CKAP5: variants seen among roughly 807,000 people sequenced by gnomAD.
CKAP5 encodes cytoskeleton-associated protein 5.
A neutral mutation model predicts 232.8 loss-of-function variants in CKAP5; 27 were observed. The observed-to-expected ratio is 0.12, with a 90% CI of 0.09 to 0.16. The LOEUF is 0.16. Among genes scored for constraint, CKAP5 ranks in the 10% least tolerant of loss-of-function variants. The probability of loss-of-function intolerance (pLI) is 1.00; values close to 1 mark genes in which losing one functional copy is unlikely to be tolerated. For missense variants in CKAP5, 1,838 were observed against 2,424.7 expected (o/e 0.76, Z 5.08); for synonymous variants, 785 against 841.1 (o/e 0.93, Z 1.16).
At chr11:46,788,939 C>A (rs2065422376) in intron 15 of CKAP5, among the ~76,000 whole-genome samples, 166 bp from the exon 16 acceptor site, 1 of 152,176 alleles carries the variant, frequency 6.6e-6, no homozygotes, top group Non-Finnish European at 1.5e-5. Context: ...TGCTTTATTT[C>A]TTTGTGTTTT....
At chr11:46,769,653 G>A (rs571541567) in intron 26 of CKAP5, among the ~76,000 whole-genome samples, 3 of 151,748 alleles carry the variant, frequency 2.0e-5, no homozygotes, top group South Asian at 4.2e-4. Context: ...CTATGATCAC[G>A]CCACTACACT....
intron 27 of CKAP5, among the ~76,000 whole-genome samples, chr11:46,766,424 TA>T (rs2065202877): frequency 6.6e-6 from 1 of 152,174 alleles, no homozygotes; most frequent in South Asian, 2.1e-4. Context: ...TGAAGATAAT[TA>T]CCCATTTAAA....
rs777914567 is a variant in CKAP5 at position 46,784,549 on chromosome 11, T to C, written c.2093A>G (p.Asn698Ser). 3.1e-6 allele frequency: 5 copies of C among 1,614,136 alleles called. No individual in the cohort carries two copies. The East Asian group carries it at 8.9e-5, about 29-fold the overall frequency. Residue 698 changes from asparagine to serine, a missense_variant, in exon 17 of 44, where the codon AAT becomes AGT. Asn to Ser is a conservative substitution (Grantham distance 46). Around this residue, in one of 6 missense-constraint regions of CKAP5, gnomAD observed 767 missense variants for 954.6 expected, o/e 0.80. Transcript: ENST00000529230. ...TATTGCTGTCATAGCTTCTTTTGCA[T>C]TGTTCCCACATTTCACATCTCCAAT... ...DKIGDVKCGN[N>S]AKEAMTAIAE...
At chr11:46,823,939 T>C (rs959200846) in intron 1 of CKAP5, among the ~76,000 whole-genome samples, 6 of 152,246 alleles carry the variant, frequency 3.9e-5, no homozygotes, top group Admixed American at 1.3e-4. Context: ...TATTTGTTTA[T>C]TGAATATATA....
chr11:46,780,828 T>C (rs1300737835), intron 18 of CKAP5, among the ~76,000 whole-genome samples: 1 of 152,188 alleles, frequency 6.6e-6, no homozygotes, highest in African/African-American at 2.4e-5. Flanking sequence ...TTCACCATGT[T>C]GGCCAGGCTG....
At chr11:46,767,459 A>G (rs1002102318) in intron 27 of CKAP5, 116 bp downstream of exon 27, 25 of 574,650 alleles carry the variant, frequency 4.4e-5, no homozygotes, top group Non-Finnish European at 6.4e-5. Flanking sequence ...TAATTTGATA[A>G]TATCAACAGC....
rs190437710 is a variant in CKAP5 at position 46,815,236 on chromosome 11, A to G, written c.458+962T>C. On this transcript the variant is annotated intron_variant, in intron 4 of 43. Transcript: ENST00000529230. ...CAGCTAATTTTTTCGTATTTTTGGT[A>G]GAGACGTTTCACCACATTGGCCAGG... Among the ~76,000 whole-genome samples the G allele has an allele frequency of 2.8e-3, 421 of 152,264 alleles. 2 individuals carry two copies. The highest frequency in any genetic ancestry group is 9.6e-3 in the African/African-American group (399 of 41,552).
At chr11:46,782,150 C>G (rs57485117) in intron 18 of CKAP5, among the ~76,000 whole-genome samples, 22,410 of 152,006 alleles carry the variant, frequency 0.15, 2,522 homozygotes, top group African/African-American at 0.32. Flanking sequence ...CTCTGTCTCT[C>G]TCTCTCTATA....
chr11:46,830,093 G>A (rs1029828962), intron 1 of CKAP5, among the ~76,000 whole-genome samples: 6 of 151,972 alleles, frequency 3.9e-5, no homozygotes, highest in African/African-American at 4.8e-5. Context: ...TGGGCAAGAC[G>A]GAGGGAGATT....
At chr11:46,799,561 ATATTACAG>A (rs1198432410) in intron 9 of CKAP5, among the ~76,000 whole-genome samples, 1 of 152,228 alleles carries the variant, frequency 6.6e-6, no homozygotes, top group African/African-American at 2.4e-5. Context: ...AACACCGCAT[ATATTACAG>A]TATTAAGGTG....
chr11:46,763,171 C>A lies in CKAP5; in HGVS notation c.3696G>T (p.Glu1232Asp). 6.2e-7 allele frequency: 1 copy of A among 1,605,624 alleles called. No homozygotes were observed. Among genetic ancestry groups the A allele is most frequent in the Non-Finnish European group, 8.5e-7 (1 of 1,175,980 alleles). The change falls in exon 30 of 44, where the codon GAG becomes GAT. Residue 1232 changes from glutamate to aspartate, a missense_variant. Physicochemically the swap from Glu to Asp is conservative, Grantham distance 45. Around this residue, in one of 6 missense-constraint regions of CKAP5, gnomAD observed 48 missense variants for 98.1 expected, o/e 0.49. Coordinates refer to ENST00000529230, the MANE Select transcript of CKAP5 (RefSeq NM_001008938.4). ...KALAVMVDHL[E>D]SEKEGVIGCL... ...AACCAATAACTCCTTCTTTTTCACT[C>A]TCCAAGTGCTTAAAATAAAACAAAA...
chr11:46,753,254 A>T, intron 37 of CKAP5, 56 bp downstream of exon 37: 1 of 1,395,502 alleles, frequency 7.2e-7, no homozygotes, highest in Non-Finnish European at 9.8e-7. Flanking sequence ...ATGGTTTCTA[A>T]GTGTAAACAA....
intron 13 of CKAP5, among the ~76,000 whole-genome samples, chr11:46,794,503 CAAG>C (rs71042620): frequency 0.51 from 77,494 of 151,494 alleles, 22,896 homozygotes; most frequent in South Asian, 0.67. Context: ...TATTTTTTTC[CAAG>C]AAGAACTATA....
Position 46,765,163 on chromosome 11 carries a change from C to G in CKAP5, c.3505G>C (p.Glu1169Gln). 6.2e-7 allele frequency: 1 copy of G among 1,612,996 alleles called. No individual in the cohort carries two copies. The highest frequency in any genetic ancestry group is 8.5e-7 in the Non-Finnish European group (1 of 1,179,538). ...PIFIVVPNGK[E>Q]QRMKDEKGLK... The stretch of plus-strand genomic sequence containing the variant: ...CCTTTTTCATCTTTCATCCTTTGCT[C>G]TTTTCCATTTGGAACAACAATAAAA... The change falls in exon 28 of 44, where the codon GAG becomes CAG. Residue 1169 changes from glutamate (E) to glutamine (Q), a missense_variant. Transcript: ENST00000529230.
chr11:46,756,627 C>A (rs2065112251), intron 35 of CKAP5, among the ~76,000 whole-genome samples: 1 of 152,160 alleles, frequency 6.6e-6, no homozygotes, highest in African/African-American at 2.4e-5. Context: ...TCTCTAATGA[C>A]CTCAATTATG....
At chr11:46,790,007 CATTCATCA>C in intron 15 of CKAP5, 61 bp downstream of exon 15, 1 of 997,716 alleles carries the variant, frequency 1.0e-6, no homozygotes, top group Non-Finnish European at 1.6e-6. Flanking sequence ...ACAAATCCTT[CATTCATCA>C]ATTTCGCTGC....
intron 6 of CKAP5, 65 bp from the exon 7 acceptor site, chr11:46,809,565 G>C (rs1939230753): frequency 1.4e-6 from 2 of 1,391,966 alleles, no homozygotes; most frequent in Non-Finnish European, 2.0e-6. Flanking sequence ...TCAGTTATCA[G>C]TCCTTTCACA....
At chr11:46,810,339 G>A (rs1328440246) in intron 5 of CKAP5, among the ~76,000 whole-genome samples, 1 of 151,922 alleles carries the variant, frequency 6.6e-6, no homozygotes, top group Non-Finnish European at 1.5e-5. Context: ...TTCATTGAGA[G>A]ACAGGGTCTC....
At chr11:46,754,752 C>G (rs1001211776) in intron 36 of CKAP5, 136 bp downstream of exon 36, 13 of 622,146 alleles carry the variant, frequency 2.1e-5, no homozygotes, top group Non-Finnish European at 3.5e-5. Flanking sequence ...CCATCAGTAG[C>G]TTGCTATATA....
Sources: gnomAD v4.1 joint callset for allele counts (sites outside exome capture counted in the v4.1 genomes callset) on GRCh38, gnomAD v4.1.1 for gene constraint, gnomAD v4.1.1 regional missense constraint, MANE v1.5 for transcripts, NCBI Gene and HGNC (gene_info 2026-07-23, HGNC 2026-07-21) for gene names.